FBXO27: variants seen among roughly 807,000 people sequenced by gnomAD.
FBXO27 encodes F-box protein 27, also known as F-box only protein 27.
FBXO27 carries 28 observed loss-of-function variants against 28.3 expected under a neutral mutation model. The observed-to-expected ratio is 0.99, with a 90% CI of 0.73 to 1.36. FBXO27 has a LOEUF of 1.36. Among genes scored for constraint, FBXO27 ranks in the 40% most tolerant of loss-of-function variants. The pLI, the probability that FBXO27 is intolerant of heterozygous loss-of-function variation, is 0.00. For synonymous variants in FBXO27, 175 were observed against 167.3 expected, an observed-to-expected ratio of 1.05 and a Z score of -0.36; for missense variants, 388 against 394.1, an observed-to-expected ratio of 0.98 and a Z score of 0.13.
chr19:39,023,025 G>A (rs942387831), downstream of FBXO27, among the ~76,000 whole-genome samples: 3 of 151,604 alleles, frequency 2.0e-5, no homozygotes, highest in African/African-American at 7.3e-5. Context: ...GGCTGGTCTC[G>A]AACTCATGAC....
At chr19:39,020,855 G>T (rs1450511357), downstream of FBXO27, among the ~76,000 whole-genome samples, 2 of 145,988 alleles carry the variant, frequency 1.4e-5, no homozygotes, top group African/African-American at 2.6e-5. Flanking sequence ...ATTAACAGAA[G>T]ATTTTTTTTT....
At position 39,025,384 on chromosome 19, in the gene FBXO27, C is replaced by T. The variant is rs750779509; in HGVS notation, c.*27G>A. 7 of 1,602,294 alleles carry T rather than the reference C, an allele frequency of 4.4e-6. No homozygotes were observed. In the Admixed American group the frequency reaches 1.2e-4, roughly 27 times the overall value. ...CCAGGCCCTGGAAGGCACAGTCAGG[C>T]TGTCTTGCAAGAAGGGTAGTGCTGG... On this transcript the variant is annotated 3_prime_UTR_variant, in exon 6 of 6. Coordinates refer to ENST00000292853, the MANE Select transcript of FBXO27 (RefSeq NM_178820.5).
In FBXO27 at chr19:39,032,033, G is replaced by T; in HGVS notation, c.195C>A (p.Ala65=). 6.5e-7 allele frequency: 1 copy of T among 1,530,344 alleles called. No homozygotes were observed. The highest frequency in any genetic ancestry group is 8.7e-7 in the Non-Finnish European group (1 of 1,144,462). The allele number at this position is 1,530,344 out of a possible 1,614,324, so 94.8% of individuals were successfully genotyped here. Residue 65 remains alanine (A), a synonymous_variant, in exon 2 of 6, where the codon GCC becomes GCA. Coordinates refer to ENST00000292853, the MANE Select transcript of FBXO27 (RefSeq NM_178820.5). This position sits in a 1 kb window ranked among gnomAD's most constrained non-coding sequence, Gnocchi z 4.7. ...CGCGGGCCAGGATCAGCAGCCACAG[G>T]GCCTGGCCGTCCACCAGGGCTCGCC... ...RGWRALVDGQ[A]LWLLILARDH...
chr19:39,011,830 T>TTC (rs2072796176), intron 2 of FBXO27, among the ~76,000 whole-genome samples: 1 of 43,058 alleles, frequency 2.3e-5, no homozygotes, highest in Non-Finnish European at 6.0e-5. Flanking sequence ...TTCTTTTCTT[T>TTC]TTTTTTTTTT....
At chr19:39,019,617 G>A (rs1002422551), downstream of FBXO27, among the ~76,000 whole-genome samples, 4 of 152,028 alleles carry the variant, frequency 2.6e-5, no homozygotes, top group Non-Finnish European at 5.9e-5. Context: ...GAGTTTGGCT[G>A]AAAAAAATAT....
At chr19:39,013,639 T>TA (rs1001126983) in intron 2 of FBXO27, among the ~76,000 whole-genome samples, 5 of 146,814 alleles carry the variant, frequency 3.4e-5, no homozygotes, top group Admixed American at 6.9e-5. Flanking sequence ...AAAAAAAAAT[T>TA]AAAAAAAATA....
chr19:39,010,114 A>C (rs1178975109), intron 2 of FBXO27, among the ~76,000 whole-genome samples: 1 of 146,306 alleles, frequency 6.8e-6, no homozygotes, highest in African/African-American at 2.6e-5. Context: ...CCAGCCTAAA[A>C]ATTTTAAATT....
intron 2 of FBXO27, among the ~76,000 whole-genome samples, chr19:39,008,158 G>C (rs976559649): frequency 3.3e-5 from 5 of 151,968 alleles, no homozygotes; most frequent in Non-Finnish European, 7.4e-5. Context: ...CCACTTACTT[G>C]GGAGGCTGAG....
At chr19:39,031,764 G>T in intron 2 of FBXO27, 100 bp downstream of exon 2, 1 of 1,164,606 alleles carries the variant, frequency 8.6e-7, no homozygotes, top group Non-Finnish European at 1.1e-6. Context: ...CCCTGCCCCT[G>T]CGGCCCCTAG....
At chr19:39,031,185 C>A (rs375596270) in intron 3 of FBXO27, 24 bp downstream of exon 3, 1 of 1,613,710 alleles carries the variant, frequency 6.2e-7, no homozygotes, top group Non-Finnish European at 8.5e-7. Context: ...AGGGGCCGGA[C>A]CTTTGGATAG....
At chr19:39,018,146 A>G (rs2072828529) in intron 1 of FBXO27, among the ~76,000 whole-genome samples, 1 of 152,038 alleles carries the variant, frequency 6.6e-6, no homozygotes, top group African/African-American at 2.4e-5. Context: ...ATGCCCAGCT[A>G]ATTTTTTGTA....
rs138677385 is a variant in FBXO27 at position 39,016,846 on chromosome 19, G to C, written c.92-2299C>G. Among the ~76,000 whole-genome samples, 374 of 152,044 alleles carry C rather than the reference G, an allele frequency of 2.5e-3. 2 individuals are homozygous for C. Among genetic ancestry groups the C allele is most frequent in the African/African-American group, 6.8e-3 (281 of 41,504 alleles). On this transcript the variant is annotated intron_variant, in intron 1 of 2. Transcript: ENST00000598394. ...ACATACAAAAAAATATGCACACCAGGCTGCCTCATCAGCTGCCTTTAAGGG... is the reference window on the plus strand; with the variant it reads ...ACATACAAAAAAATATGCACACCAGCCTGCCTCATCAGCTGCCTTTAAGGG...
intron 2 of FBXO27, among the ~76,000 whole-genome samples, chr19:39,006,459 T>A (rs900682233): frequency 6.6e-6 from 1 of 151,938 alleles, no homozygotes; most frequent in Admixed American, 6.6e-5. Context: ...TTCGAGAGGC[T>A]GAGGTAGGAG....
downstream of FBXO27, among the ~76,000 whole-genome samples, chr19:39,019,920 T>G (rs1274679424): frequency 6.6e-6 from 1 of 151,876 alleles, no homozygotes; most frequent in Non-Finnish European, 1.5e-5. Context: ...CCCAGCTAAT[T>G]TTTTGTATTT....
chr19:39,019,991 G>T (rs1441748726), downstream of FBXO27, among the ~76,000 whole-genome samples: 1 of 152,042 alleles, frequency 6.6e-6, no homozygotes, highest in African/African-American at 2.4e-5. Context: ...GATCTCAAGC[G>T]ATTCTCCCCA....
chr19:39,014,797 C>CG (rs1401888592), intron 1 of FBXO27, among the ~76,000 whole-genome samples: 18 of 151,522 alleles, frequency 1.2e-4, no homozygotes, highest in Admixed American at 1.1e-3. Context: ...AACCACAGAC[C>CG]GGGAGAAGGG....
chr19:39,028,839 G>C (rs758378540), intron 4 of FBXO27, among the ~76,000 whole-genome samples: 11 of 152,002 alleles, frequency 7.2e-5, no homozygotes, highest in Non-Finnish European at 1.3e-4. Flanking sequence ...CTCCAGCCTG[G>C]GTGACAAGTG....
intron 2 of FBXO27, among the ~76,000 whole-genome samples, chr19:39,009,523 A>G (rs1481807436): frequency 6.6e-6 from 1 of 152,072 alleles, no homozygotes; most frequent in Non-Finnish European, 1.5e-5. Context: ...TGTGGCTTTG[A>G]TCTGCATCTC....
intron 1 of FBXO27, among the ~76,000 whole-genome samples, chr19:39,018,796 T>C (rs1019132545): frequency 6.6e-6 from 1 of 152,080 alleles, no homozygotes; most frequent in Non-Finnish European, 1.5e-5. Context: ...AAGCCAGGTG[T>C]GATGGCTCAC....
Sources: allele counts gnomAD v4.1 joint callset (sites outside exome capture counted in the v4.1 genomes callset), GRCh38; gene constraint gnomAD v4.1.1; non-coding constraint Gnocchi (gnomAD v3.1); transcripts MANE v1.5; gene names NCBI Gene and HGNC (gene_info 2026-07-23, HGNC 2026-07-21).